LLGL1: variants seen among roughly 807,000 people sequenced by gnomAD.
LLGL1 encodes LLGL scribble cell polarity complex component 1, also known as lethal(2) giant larvae protein homolog 1.
A neutral mutation model predicts 110.6 loss-of-function variants in LLGL1; 58 were observed. The observed-to-expected ratio is 0.52, with a 90% CI of 0.42 to 0.65. The LOEUF (loss-of-function observed/expected upper bound fraction) is 0.65, where lower values mean the gene tolerates loss of function less well. LLGL1 is among the 30% of genes least tolerant of loss of function. The pLI, the probability that LLGL1 is intolerant of heterozygous loss-of-function variation, is 0.00. For missense variants in LLGL1, 1,229 were observed against 1,462.1 expected (o/e 0.84, Z 2.60); for synonymous variants, 674 against 607.2 (o/e 1.11, Z -1.62).
chr17:18,232,635 T>G (rs2047594244), intron 3 of LLGL1, 37 bp from the exon 4 acceptor site: 1 of 1,613,896 alleles, frequency 6.2e-7, no homozygotes, highest in African/African-American at 1.3e-5. Context: ...CTCATCCCCC[T>G]AGGCCAGCCT....
chr17:18,236,496 G>C (rs1379969359), intron 11 of LLGL1, 111 bp from the exon 12 acceptor site: 1 of 1,082,028 alleles, frequency 9.2e-7, no homozygotes, highest in Non-Finnish European at 1.3e-6. Flanking sequence ...ATTCCGGTCA[G>C]TGTTTGGCAC....
rs150297371 is a variant in LLGL1, at chr17:18,227,993, C to T, written c.82-1948C>T. 3.2e-4 allele frequency among the ~76,000 whole-genome samples: 48 copies of T among 152,250 alleles called. No homozygotes were observed. The East Asian group carries it at 9.3e-3, about 29-fold the overall frequency. On this transcript the variant is annotated intron_variant, in intron 1 of 22. Transcript: ENST00000316843. ...CTGAGTCTTGGGTTCAAATCCCAGT[C>T]CAGCCCACACATCGCCTGTGGAATG...
rs1481304397 is a variant in LLGL1 at position 18,244,839 on chromosome 17, T to TTAA, written c.*936_*938dup. The TTAA allele has an allele frequency of 7.5e-6, 3 of 397,430 alleles. No individual in the cohort carries two copies. Among genetic ancestry groups the TTAA allele is most frequent in the Admixed American group, 4.4e-5 (1 of 22,902 alleles). 24.6% of individuals were successfully genotyped at this position (397,430 alleles called of 1,614,324 possible). The stretch of plus-strand genomic sequence containing the variant: ...ATTTTAATATTAAAAATACTGATTT[T>TTAA]TAATATTGAAAATAAAAGCATTTAA... On this transcript the variant is annotated 3_prime_UTR_variant, in exon 23 of 23. Coordinates refer to ENST00000316843, the MANE Select transcript of LLGL1 (RefSeq NM_004140.4).
rs369186591 is a variant in LLGL1 at position 18,238,109 on chromosome 17, G to A, written c.1947G>A (p.Pro649=). ...ATGACTCCCTGGCCATGGAGGGTCC[G>A]CTCTCCCGGGTGAAGTCTCTCAAGA... The part of the protein sequence containing the change: ...HPNDSLAMEG[P]LSRVKSLKKS... The change falls in exon 15 of 23, where the codon CCG becomes CCA. Residue 649 remains proline, a synonymous_variant. Transcript: ENST00000316843. 6.2e-6 allele frequency: 10 copies of A among 1,613,626 alleles called. No individual in the cohort carries two copies. Among genetic ancestry groups the A allele is most frequent in the East Asian group, 2.2e-5 (1 of 44,894 alleles).
At chr17:18,233,251 C>T (rs999397518) in intron 4 of LLGL1, among the ~76,000 whole-genome samples, 2 of 152,150 alleles carry the variant, frequency 1.3e-5, no homozygotes, top group African/African-American at 4.8e-5. Context: ...GTCCCATGGG[C>T]TGTGCTTGGT....
rs777686147 is a variant in LLGL1 at position 18,240,817 on chromosome 17, G to A, written c.2446G>A (p.Ala816Thr). 4.4e-5 allele frequency: 70 copies of A among 1,575,054 alleles called. No homozygotes were observed. Among genetic ancestry groups the A allele is most frequent in the Non-Finnish European group, 5.9e-5 (68 of 1,157,808 alleles). The change falls in exon 17 of 23, where the codon GCA becomes ACA. Residue 816 changes from alanine (A) to threonine (T), a missense_variant. Ala to Thr is a moderately conservative substitution (Grantham distance 58). Coordinates refer to ENST00000316843, the MANE Select transcript of LLGL1 (RefSeq NM_004140.4). This position sits in a 1 kb window ranked among gnomAD's most constrained non-coding sequence, Gnocchi z 5.3. ...PYEASRDLAQ[A>T]PDMQGGHAVL... Reference sequence around the variant, plus strand: ...CGAGGCCTCACGGGACCTGGCGCAGGCACCTGACATGCAGGGTGGTCACGC... The same window carrying A: ...CGAGGCCTCACGGGACCTGGCGCAGACACCTGACATGCAGGGTGGTCACGC...
At chr17:18,242,118 G>A (rs2047849843) in intron 19 of LLGL1, 48 bp from the exon 20 acceptor site, 1 of 1,565,484 alleles carries the variant, frequency 6.4e-7, no homozygotes, top group Non-Finnish European at 8.8e-7. Flanking sequence ...TAGCGTGCCA[G>A]CCTCAAGTCA....
intron 18 of LLGL1, 25 bp from the exon 19 acceptor site, chr17:18,241,860 A>G: frequency 1.2e-6 from 2 of 1,603,956 alleles, no homozygotes; most frequent in East Asian, 2.2e-5. Flanking sequence ...TTCTAACTGC[A>G]CTCCTCATTC....
At chr17:18,237,970 T>C in intron 14 of LLGL1, 97 bp from the exon 15 acceptor site, 5 of 1,448,286 alleles carry the variant, frequency 3.5e-6, no homozygotes, top group Non-Finnish European at 4.7e-6. Context: ...AGAGGGGCTG[T>C]GACTCCCTGA....
intron 1 of LLGL1, among the ~76,000 whole-genome samples, chr17:18,227,698 C>T (rs1306545308): frequency 6.6e-6 from 1 of 152,192 alleles, no homozygotes; most frequent in Non-Finnish European, 1.5e-5. Context: ...GCCTAAATGT[C>T]ATTTCTTCAG....
intron 22 of LLGL1, 117 bp downstream of exon 22, chr17:18,242,939 GCA>G (rs1462452570): frequency 2.0e-6 from 2 of 980,870 alleles, no homozygotes; most frequent in East Asian, 5.3e-5. Flanking sequence ...CCATGTGATG[GCA>G]CTCTCTGAAA....
At chr17:18,243,054 C>T (rs2047883566) in intron 22 of LLGL1, among the ~76,000 whole-genome samples, 1 of 152,222 alleles carries the variant, frequency 6.6e-6, no homozygotes, top group Non-Finnish European at 1.5e-5. Flanking sequence ...GCCCCTCAGC[C>T]CTTGCATGTG....
In LLGL1 at chr17:18,241,523, A is replaced by G; in HGVS notation, c.2575A>G (p.Lys859Glu). 3.7e-6 allele frequency: 6 copies of G among 1,613,834 alleles called. No homozygotes were observed. Among genetic ancestry groups the G allele is most frequent in the African/African-American group, 1.3e-5 (1 of 75,028 alleles). Reference protein sequence around the residue: ...LTAHEGCRVRKVALATFASVA... With the variant: ...LTAHEGCRVREVALATFASVA... The stretch of plus-strand genomic sequence containing the variant: ...GGCCCATGAGGGCTGTCGTGTGCGC[A>G]AGGTGGCACTGGCCACGTTTGCCAG... Residue 859 changes from lysine to glutamate, a missense_variant, in exon 18 of 23, where the codon AAG becomes GAG. Coordinates refer to ENST00000316843, the MANE Select transcript of LLGL1 (RefSeq NM_004140.4).
chr17:18,235,244 G>T lies in LLGL1; in HGVS notation c.1216G>T (p.Ala406Ser). The change falls in exon 10 of 23, where the codon GCC becomes TCC. Residue 406 changes from alanine to serine, a missense_variant. Coordinates refer to ENST00000316843, the MANE Select transcript of LLGL1 (RefSeq NM_004140.4). ...TCSAHVASVP[A>S]KLWARIVSAG... The stretch of plus-strand genomic sequence containing the variant: ...CTCGGCCCACGTGGCCAGTGTCCCC[G>T]CCAAGCTGTGGGCCCGCATTGTGAG... 1 of 1,610,550 alleles carries T rather than the reference G, an allele frequency of 6.2e-7. No homozygotes were observed. Among genetic ancestry groups the T allele is most frequent in the Non-Finnish European group, 8.5e-7 (1 of 1,180,000 alleles).
chr17:18,233,411 C>T (rs1567688062), intron 4 of LLGL1, among the ~76,000 whole-genome samples: 1 of 152,086 alleles, frequency 6.6e-6, no homozygotes, highest in Non-Finnish European at 1.5e-5. Context: ...CTGGGGCCCT[C>T]CTGCGAAGTC....
intron 18 of LLGL1, 24 bp from the exon 19 acceptor site, chr17:18,241,861 C>G (rs201548346): frequency 1.3e-5 from 21 of 1,605,718 alleles, no homozygotes; most frequent in Non-Finnish European, 1.8e-5. Context: ...TCTAACTGCA[C>G]TCCTCATTCT....
At position 18,235,472 on chromosome 17, in the gene LLGL1, C is replaced by T. The variant is rs2047672527; in HGVS notation, c.1287C>T (p.Ser429=). The T allele has an allele frequency of 6.2e-7, 1 of 1,614,066 alleles. No individual in the cohort carries two copies. ...QSPQPVSSAL[S]WPITGGRNLA... The stretch of plus-strand genomic sequence containing the variant: ...ACATCTCTGCCACCCCCTCCCAGAG[C>T]TGGCCCATCACTGGGGGCCGAAACC... Residue 429 remains serine (S), a splice_region_variant and synonymous_variant, in exon 11 of 23, where the codon AGC becomes AGT. Coordinates refer to ENST00000316843, the MANE Select transcript of LLGL1 (RefSeq NM_004140.4).
At chr17:18,239,917 C>T (rs2047788555) in intron 16 of LLGL1, among the ~76,000 whole-genome samples, 1 of 152,054 alleles carries the variant, frequency 6.6e-6, no homozygotes, top group African/African-American at 2.4e-5. Flanking sequence ...CAGGATCCAT[C>T]GGGTCATCAG....
Position 18,240,444 on chromosome 17 carries a change from C to G in LLGL1, c.2207-134C>G, listed in dbSNP as rs1021249674. 8 of 1,110,490 alleles carry G rather than the reference C, an allele frequency of 7.2e-6. No homozygotes were observed. The highest frequency in any genetic ancestry group is 1.0e-5 in the Non-Finnish European group (8 of 786,138). 68.8% of individuals were successfully genotyped at this position (1,110,490 alleles called of 1,614,324 possible). A position where few individuals can be genotyped will look rare whatever the true frequency, so the allele number is the denominator to read the frequency against. On this transcript the variant is annotated intron_variant, in intron 16 of 22. Transcript: ENST00000316843. This position sits in a 1 kb window ranked among gnomAD's most constrained non-coding sequence, Gnocchi z 5.3. ...AGGCATGGGGCAGGAGGGAATCAGC[C>G]CTGAGTCCCAGGGTGTCATAGTTAG... is the stretch of plus-strand genomic sequence containing the variant.
Sources: allele counts gnomAD v4.1 joint callset (sites outside exome capture counted in the v4.1 genomes callset), GRCh38; gene constraint gnomAD v4.1.1; non-coding constraint Gnocchi (gnomAD v3.1); transcripts MANE v1.5; gene names NCBI Gene and HGNC (gene_info 2026-07-23, HGNC 2026-07-21).